DNAAF19: variants seen among roughly 807,000 people sequenced by gnomAD.
DNAAF19 encodes dynein axonemal assembly factor 19, also known as coiled-coil domain containing 103.
the DNAAF19 span, chr17:44,902,527 C>T: frequency 2.5e-6 from 4 of 1,614,156 alleles, no homozygotes; most frequent in East Asian, 8.9e-5. Context: ...TCTTGGGGAG[C>T]TGCTGGTGGC....
the DNAAF19 span, among the ~76,000 whole-genome samples, chr17:44,900,032 C>T: frequency 6.6e-6 from 1 of 152,218 alleles, no homozygotes. Flanking sequence ...GGTGATGACC[C>T]CGCCACAAAA....
the DNAAF19 span, chr17:44,903,838 G>A: frequency 6.5e-7 from 1 of 1,549,464 alleles, no homozygotes; most frequent in South Asian, 1.2e-5. Context: ...GTATGCACCT[G>A]GCCCTCACCA....
chr17:44,903,235 C>T, the DNAAF19 span: 4 of 1,254,748 alleles, frequency 3.2e-6, 1 homozygote, highest in South Asian at 1.5e-4. Context: ...TTTATAGCCC[C>T]AAACCAATGA....
At chr17:44,900,783 A>G in the DNAAF19 span, among the ~76,000 whole-genome samples, 2 of 152,238 alleles carry the variant, frequency 1.3e-5, no homozygotes, top group African/African-American at 2.4e-5. Flanking sequence ...TTCTATTTTC[A>G]GGGACAAGTC....
the DNAAF19 span, chr17:44,903,912 A>G: frequency 6.4e-7 from 1 of 1,550,614 alleles, no homozygotes; most frequent in Non-Finnish European, 8.7e-7. Flanking sequence ...AACATTTTTC[A>G]GAGGACCCCC....
the DNAAF19 span, chr17:44,903,690 T>G: frequency 7.0e-7 from 1 of 1,438,008 alleles, no homozygotes; most frequent in Non-Finnish European, 9.1e-7. Context: ...CGGCTTCCTC[T>G]GCAGATTGTT....
the DNAAF19 span, chr17:44,904,359 C>T: frequency 1.3e-6 from 2 of 1,543,958 alleles, no homozygotes; most frequent in Non-Finnish European, 1.8e-6. Context: ...GAATGGACCC[C>T]CTGTGACCGC....
At chr17:44,905,068 CT>C in the DNAAF19 span, 3 of 1,535,052 alleles carry the variant, frequency 2.0e-6, no homozygotes, top group South Asian at 1.2e-5. Flanking sequence ...GCTTCTCCCC[CT>C]AGGAGCTCTC....
At chr17:44,903,183 A>G in the DNAAF19 span, 2 of 1,270,250 alleles carry the variant, frequency 1.6e-6, no homozygotes, top group Admixed American at 3.7e-5. Context: ...CAAAATCTTT[A>G]TGGTAAACAA....
At chr17:44,901,710 C>A in the DNAAF19 span, 1 of 1,574,160 alleles carries the variant, frequency 6.4e-7, no homozygotes, top group South Asian at 1.2e-5. Flanking sequence ...AGCTTCAATC[C>A]TGTTTTTTCA....
At chr17:44,902,588 T>A in the DNAAF19 span, 34 of 1,614,176 alleles carry the variant, frequency 2.1e-5, no homozygotes, top group Non-Finnish European at 2.8e-5. Flanking sequence ...CTGGGGATCC[T>A]ATGCAGCCTG....
the DNAAF19 span, chr17:44,902,463 G>T: frequency 1.2e-6 from 2 of 1,614,266 alleles, no homozygotes; most frequent in Non-Finnish European, 1.7e-6. Flanking sequence ...CTCTACTGCA[G>T]CTTGGGGGTC....
chr17:44,903,508 G>A, the DNAAF19 span: 7 of 1,280,810 alleles, frequency 5.5e-6, no homozygotes, highest in Admixed American at 3.7e-5. Flanking sequence ...ACCTCGGCCC[G>A]CCCTTCTCAT....
chr17:44,901,777 T>G, the DNAAF19 span: 1 of 1,145,016 alleles, frequency 8.7e-7, no homozygotes, highest in South Asian at 1.7e-5. Context: ...TTATTTGTCA[T>G]GTTAAACCAA....
chr17:44,904,772 G>A, the DNAAF19 span: 2 of 1,550,648 alleles, frequency 1.3e-6, no homozygotes, highest in Non-Finnish European at 1.7e-6. Context: ...GTACCTGAAG[G>A]GTGTCAACAG....
chr17:44,901,035 G>C, the DNAAF19 span: 1 of 1,600,668 alleles, frequency 6.2e-7, no homozygotes, highest in Non-Finnish European at 8.5e-7. Flanking sequence ...CAAGGCTTTG[G>C]AGAAAGAGCT....
chr17:44,903,494 G>A, the DNAAF19 span: 13 of 1,272,560 alleles, frequency 1.0e-5, no homozygotes, highest in East Asian at 9.0e-5. Context: ...CTCCCTGCCC[G>A]AGCACCTCGG....
At chr17:44,904,197 A>G in the DNAAF19 span, 2 of 1,550,580 alleles carry the variant, frequency 1.3e-6, no homozygotes, top group East Asian at 2.4e-5. Context: ...TCAGGCCTGT[A>G]CTTCTGCGGC....
the DNAAF19 span, chr17:44,901,136 G>C: frequency 1.2e-5 from 20 of 1,605,666 alleles, no homozygotes; most frequent in East Asian, 4.3e-4. Flanking sequence ...CCTATGAGGA[G>C]TTCAGGTTGG....
Sources: gnomAD v4.1 joint callset for allele counts (sites outside exome capture counted in the v4.1 genomes callset) on GRCh38, gnomAD v4.1.1 for gene constraint, MANE v1.5 for transcripts, NCBI Gene and HGNC (gene_info 2026-07-23, HGNC 2026-07-21) for gene names.